The following CLIC4 variants were observed in gnomAD, a reference collection of about 807,000 sequenced individuals.
CLIC4 encodes the protein chloride intracellular channel protein 4.
In CLIC4, 13 loss-of-function variants were observed where a neutral mutation model predicts 24.6. That is an observed-to-expected ratio of 0.53 (90% CI 0.34 to 0.84). The LOEUF is 0.84. CLIC4 is among the 40% of genes least tolerant of loss of function. The pLI is 0.01. For missense variants in CLIC4, 227 were observed against 301.7 expected, an observed-to-expected ratio of 0.75 and a Z score of 1.83; for synonymous variants, 104 against 111.3, an observed-to-expected ratio of 0.93 and a Z score of 0.41.
At chr1:24,756,891 T>C (rs1638858962) in intron 1 of CLIC4, among the ~76,000 whole-genome samples, 1 of 150,844 alleles carries the variant, frequency 6.6e-6, no homozygotes, top group East Asian at 1.9e-4. Context: ...TGGCTAGTTT[T>C]TTTTTTAATG....
intron 5 of CLIC4, among the ~76,000 whole-genome samples, 198 bp from the exon 6 acceptor site, chr1:24,840,575 C>T (rs1639932179): frequency 6.6e-6 from 1 of 152,200 alleles, no homozygotes; most frequent in South Asian, 2.1e-4. Context: ...CACTGTCACA[C>T]TTCTAAATCC....
At chr1:24,791,008 A>G (rs1217927207) in intron 1 of CLIC4, among the ~76,000 whole-genome samples, 1 of 152,168 alleles carries the variant, frequency 6.6e-6, no homozygotes, top group Non-Finnish European at 1.5e-5. Flanking sequence ...CATCTCTATT[A>G]AAAGAAAAAT....
chr1:24,774,221 C>T (rs1639104572), intron 1 of CLIC4, among the ~76,000 whole-genome samples: 1 of 152,172 alleles, frequency 6.6e-6, no homozygotes, highest in Non-Finnish European at 1.5e-5. Flanking sequence ...GGCAGTCCGC[C>T]TGCCTTGGCC....
intron 1 of CLIC4, among the ~76,000 whole-genome samples, chr1:24,747,762 C>T (rs1638720751): frequency 1.3e-5 from 2 of 151,910 alleles, no homozygotes; most frequent in Admixed American, 6.6e-5. Flanking sequence ...ACTATCGGGC[C>T]GGGTGAGGTG....
intron 2 of CLIC4, among the ~76,000 whole-genome samples, chr1:24,803,336 C>T (rs1639510752): frequency 6.6e-6 from 1 of 152,106 alleles, no homozygotes; most frequent in Admixed American, 6.6e-5. Flanking sequence ...AACAATAGAA[C>T]TCCTCTGAGA....
chr1:24,819,596 C>T (rs1639704999), intron 3 of CLIC4, among the ~76,000 whole-genome samples: 1 of 151,802 alleles, frequency 6.6e-6, no homozygotes, highest in Non-Finnish European at 1.5e-5. Context: ...CACCACTATG[C>T]CCAGCTAATT....
intron 4 of CLIC4, among the ~76,000 whole-genome samples, chr1:24,829,800 C>T (rs1184611411): frequency 6.6e-6 from 1 of 152,144 alleles, no homozygotes; most frequent in Non-Finnish European, 1.5e-5. Context: ...CCCACTACTC[C>T]TGCCTTTCTC....
At position 24,783,822 on chromosome 1, in the gene CLIC4, A is replaced by T. The variant is rs112025963; in HGVS notation, c.73-13920A>T. The stretch of plus-strand genomic sequence containing the variant: ...TTGTCCTTGACATTCTATTTGGCTT[A>T]GTTTAAGTATGAGTTTGTCCAAATT... On this transcript the variant is annotated intron_variant, in intron 1 of 5. Coordinates refer to ENST00000374379, the MANE Select transcript of CLIC4 (RefSeq NM_013943.3). 4.2e-3 allele frequency among the ~76,000 whole-genome samples: 636 copies of T among 152,330 alleles called. 1 individual carries two copies. Among genetic ancestry groups the T allele is most frequent in the Non-Finnish European group, 7.4e-3 (506 of 68,022 alleles).
Position 24,745,453 on chromosome 1 carries a change from GC to G in CLIC4, c.-100del. On this transcript the variant is annotated 5_prime_UTR_variant, in exon 1 of 6. Transcript: ENST00000374379. ...GGCCAGCTCGACGCCGGACAGTCCA[GC>G]GAGCAGCACGGCGGGAACCGGCAGC... 1 of 1,098,242 alleles carries G rather than the reference GC, an allele frequency of 9.1e-7. No homozygotes were observed. Among genetic ancestry groups the G allele is most frequent in the Non-Finnish European group, 1.3e-6 (1 of 759,836 alleles). The allele number at this position is 1,098,242 out of a possible 1,614,324, so 68.0% of individuals were successfully genotyped here.
At chr1:24,825,698 C>T (rs925265752) in intron 3 of CLIC4, among the ~76,000 whole-genome samples, 2 of 152,154 alleles carry the variant, frequency 1.3e-5, no homozygotes, top group Admixed American at 6.5e-5. Flanking sequence ...CAATATAGTA[C>T]TCTGCCCAAT....
At position 24,799,728 on chromosome 1, in the gene CLIC4, G is replaced by T. The variant is rs1264646382; in HGVS notation, c.182+1877G>T. On this transcript the variant is annotated intron_variant, in intron 2 of 5. Coordinates refer to ENST00000374379, the MANE Select transcript of CLIC4 (RefSeq NM_013943.3). ...GGGTCAGCCCCCCGCCCGGCCAGCC[G>T]CCCCGTCCGGGAGGGAGGTGGGGGG... 2.9e-4 allele frequency among the ~76,000 whole-genome samples: 40 copies of T among 136,190 alleles called. 1 individual carries two copies. The highest frequency in any genetic ancestry group is 9.7e-4 in the African/African-American group (35 of 36,234). The allele number at this position is 136,190 out of a possible 152,430, so 89.3% of individuals were successfully genotyped here. A position where few individuals can be genotyped will look rare whatever the true frequency, so the allele number is the denominator to read the frequency against.
intron 1 of CLIC4, among the ~76,000 whole-genome samples, chr1:24,758,925 A>C (rs1031308785): frequency 6.6e-6 from 1 of 152,154 alleles, no homozygotes; most frequent in Non-Finnish European, 1.5e-5. Context: ...TCTGATATGT[A>C]ACATGTATTG....
At position 24,840,288 on chromosome 1, in the gene CLIC4, T is replaced by C. The variant is rs560399902; in HGVS notation, c.597+247T>C. On this transcript the variant is annotated intron_variant, in intron 5 of 5. Transcript: ENST00000374379. ...CATACAAATTCAAAGATATAATGCGTGACTTTGAATTGGAGTTTGCCACAC... is the reference window on the plus strand; with the variant it reads ...CATACAAATTCAAAGATATAATGCGCGACTTTGAATTGGAGTTTGCCACAC... Among the ~76,000 whole-genome samples the C allele has an allele frequency of 2.0e-5, 3 of 152,320 alleles. No homozygotes were observed. The South Asian group carries it at 6.2e-4, about 32-fold the overall frequency.
chr1:24,779,753 C>CA (rs1639181165), intron 1 of CLIC4, among the ~76,000 whole-genome samples: 1 of 152,182 alleles, frequency 6.6e-6, no homozygotes. Context: ...TTTCCACATC[C>CA]AAACCATCCA....
chr1:24,795,495 T>G (rs947497793), intron 1 of CLIC4, among the ~76,000 whole-genome samples: 2 of 151,282 alleles, frequency 1.3e-5, no homozygotes, highest in Non-Finnish European at 2.9e-5. Flanking sequence ...GAGTAACCAC[T>G]GCACACCAGC....
intron 1 of CLIC4, among the ~76,000 whole-genome samples, chr1:24,795,443 G>A (rs1385520460): frequency 6.6e-6 from 1 of 151,790 alleles, no homozygotes. Flanking sequence ...TATTTCTTAA[G>A]TCCACGAATT....
chr1:24,779,092 A>G (rs1639174962), intron 1 of CLIC4, among the ~76,000 whole-genome samples: 1 of 152,246 alleles, frequency 6.6e-6, no homozygotes, highest in Admixed American at 6.5e-5. Flanking sequence ...TAAACATTAA[A>G]AAAATAATTT....
At chr1:24,838,877 A>G (rs1639911611) in intron 4 of CLIC4, among the ~76,000 whole-genome samples, 1 of 152,204 alleles carries the variant, frequency 6.6e-6, no homozygotes, top group Non-Finnish European at 1.5e-5. Flanking sequence ...ATCTTCTATT[A>G]TCCTTTCTTC....
At chr1:24,758,465 T>A (rs1455870089) in intron 1 of CLIC4, among the ~76,000 whole-genome samples, 2 of 151,804 alleles carry the variant, frequency 1.3e-5, no homozygotes, top group Non-Finnish European at 1.5e-5. Flanking sequence ...CCAGATAATT[T>A]TTTTTTTTTT....
Sources: gnomAD v4.1 joint callset for allele counts (sites outside exome capture counted in the v4.1 genomes callset) on GRCh38, gnomAD v4.1.1 for gene constraint, MANE v1.5 for transcripts, NCBI Gene and HGNC (gene_info 2026-07-23, HGNC 2026-07-21) for gene names.